The following RELN variants were observed in gnomAD, a reference collection of about 807,000 sequenced individuals.
RELN encodes the protein reelin.
Under a neutral mutation model 427.6 loss-of-function variants are expected in RELN, and 108 were observed. The observed-to-expected ratio is 0.25, with a 90% CI of 0.22 to 0.30. The LOEUF (loss-of-function observed/expected upper bound fraction) is 0.30, where lower values mean the gene tolerates loss of function less well. Among genes scored for constraint, RELN ranks in the 10% least tolerant of loss-of-function variants. The probability of loss-of-function intolerance (pLI) is 1.00; values close to 1 mark genes in which losing one functional copy is unlikely to be tolerated. For synonymous variants in RELN, 1,524 were observed against 1,513.4 expected (o/e 1.01, Z -0.16); for missense variants, 3,715 against 4,302.8 (o/e 0.86, Z 3.82).
At position 103,944,272 on chromosome 7, in the gene RELN, G is replaced by A. The variant is rs144811167; in HGVS notation, c.227-27087C>T. ...TTTTTTCTACATAGAAATACTAGGC[G>A]TGTGGAGGACAGTAGGTGAACAGTG... On this transcript the variant is annotated intron_variant, in intron 1 of 64. Transcript: ENST00000428762. Among the ~76,000 whole-genome samples the A allele has an allele frequency of 1.4e-3, 209 of 152,228 alleles. 3 individuals are homozygous for A. The East Asian group carries it at 0.032, about 23-fold the overall frequency.
chr7:103,974,955 T>C (rs1796840756), intron 1 of RELN, among the ~76,000 whole-genome samples: 1 of 152,242 alleles, frequency 6.6e-6, no homozygotes, highest in South Asian at 2.1e-4. Flanking sequence ...CTAATTGCTA[T>C]GAGAACTATT....
At chr7:103,764,161 TAGTAA>T (rs1791370734) in intron 4 of RELN, among the ~76,000 whole-genome samples, 1 of 152,184 alleles carries the variant, frequency 6.6e-6, no homozygotes, top group Admixed American at 6.5e-5. Context: ...ATGTAGTGTT[TAGTAA>T]TAGTAGTGAG....
intron 2 of RELN, among the ~76,000 whole-genome samples, chr7:103,893,885 C>A (rs923478661): frequency 9.2e-5 from 14 of 152,064 alleles, no homozygotes; most frequent in African/African-American, 3.4e-4. Context: ...TAAGTGATTC[C>A]CCATCATAAG....
intron 1 of RELN, among the ~76,000 whole-genome samples, chr7:103,960,109 A>T (rs1796517067): frequency 6.6e-6 from 1 of 152,108 alleles, no homozygotes; most frequent in Non-Finnish European, 1.5e-5. Flanking sequence ...TGAAAAGAAG[A>T]AATTAGATTA....
At chr7:103,630,813 G>T (rs923430448) in intron 19 of RELN, among the ~76,000 whole-genome samples, 1 of 147,216 alleles carries the variant, frequency 6.8e-6, no homozygotes, top group Non-Finnish European at 1.5e-5. Flanking sequence ...AAAGGTGCTT[G>T]CATTAAAGAC....
intron 8 of RELN, among the ~76,000 whole-genome samples, chr7:103,712,868 G>A (rs1383246533): frequency 6.6e-6 from 1 of 151,986 alleles, no homozygotes; most frequent in Non-Finnish European, 1.5e-5. Context: ...CAAGTCCTGG[G>A]TAGTTTTGGG....
At chr7:103,566,005 T>G (rs1830742583) in intron 33 of RELN, among the ~76,000 whole-genome samples, 1 of 152,106 alleles carries the variant, frequency 6.6e-6, no homozygotes, top group African/African-American at 2.4e-5. Flanking sequence ...GAAACCTTAC[T>G]CATATCATTC....
chr7:103,525,672 G>A (rs1265308497), intron 46 of RELN, among the ~76,000 whole-genome samples: 1 of 151,224 alleles, frequency 6.6e-6, no homozygotes, highest in Non-Finnish European at 1.5e-5. Context: ...ATTACTCGGA[G>A]CCAACATTTA....
chr7:103,667,692 G>T (rs1833300846), intron 11 of RELN, among the ~76,000 whole-genome samples: 1 of 152,184 alleles, frequency 6.6e-6, no homozygotes, highest in Non-Finnish European at 1.5e-5. Context: ...TGGAAGTCAT[G>T]AATATGCAAA....
rs111446437 is a variant in RELN at position 103,512,532 on chromosome 7, T to C, written c.8120-1527A>G. 3.1e-3 allele frequency among the ~76,000 whole-genome samples: 472 copies of C among 152,302 alleles called. 1 individual carries two copies. The highest frequency in any genetic ancestry group is 5.2e-3 in the Non-Finnish European group (355 of 68,016). ...TCAAGATACTACTGAAGAAATAGAT[T>C]TGAAGGTGTCTAAAGAAAACCTAAG... On this transcript the variant is annotated intron_variant, in intron 50 of 64. Coordinates refer to ENST00000428762, the MANE Select transcript of RELN (RefSeq NM_005045.4).
At chr7:103,713,773 T>C (rs1383082850) in intron 8 of RELN, among the ~76,000 whole-genome samples, 1 of 152,182 alleles carries the variant, frequency 6.6e-6, no homozygotes, top group African/African-American at 2.4e-5. Flanking sequence ...AAATCTTCTT[T>C]GCTACTTTGC....
intron 2 of RELN, among the ~76,000 whole-genome samples, chr7:103,894,665 A>G (rs1436626358): frequency 1.3e-5 from 2 of 152,140 alleles, no homozygotes; most frequent in African/African-American, 4.8e-5. Flanking sequence ...GATTTCGTGC[A>G]CTCAAGTCCT....
intron 15 of RELN, among the ~76,000 whole-genome samples, chr7:103,651,404 A>G (rs950665830): frequency 6.6e-6 from 1 of 152,114 alleles, no homozygotes; most frequent in African/African-American, 2.4e-5. Context: ...GAACTGCCAT[A>G]TAGAATTTAA....
intron 1 of RELN, among the ~76,000 whole-genome samples, chr7:103,977,658 C>CT (rs1318117954): frequency 1.3e-5 from 2 of 152,090 alleles, no homozygotes; most frequent in African/African-American, 4.8e-5. Flanking sequence ...CTACTGGTTC[C>CT]TACTACCACG....
intron 46 of RELN, among the ~76,000 whole-genome samples, chr7:103,530,896 C>T (rs1330037418): frequency 2.0e-5 from 3 of 152,150 alleles, no homozygotes; most frequent in Non-Finnish European, 2.9e-5. Flanking sequence ...TATTATTTTT[C>T]AGTGGTTTCT....
intron 8 of RELN, 78 bp from the exon 9 acceptor site, chr7:103,701,084 A>G (rs765152618): frequency 4.5e-5 from 39 of 869,370 alleles, no homozygotes; most frequent in Non-Finnish European, 7.3e-5. Context: ...TAAATATTTT[A>G]GATAATTTTT....
At chr7:103,982,320 G>A (rs868343848) in intron 1 of RELN, among the ~76,000 whole-genome samples, 4 of 152,126 alleles carry the variant, frequency 2.6e-5, no homozygotes, top group African/African-American at 9.7e-5. Context: ...TGGCTCCCTT[G>A]CAGCTCCATG....
Position 103,511,021 on chromosome 7 carries a change from CAA to C in RELN, c.8120-18_8120-17del. 1 of 1,606,248 alleles carries C rather than the reference CAA, an allele frequency of 6.2e-7. No individual in the cohort carries two copies. Among genetic ancestry groups the C allele is most frequent in the Non-Finnish European group, 8.5e-7 (1 of 1,173,486 alleles). On this transcript the variant is annotated splice_polypyrimidine_tract_variant and intron_variant, in intron 50 of 64. Coordinates refer to ENST00000428762, the MANE Select transcript of RELN (RefSeq NM_005045.4). ...TGCTCATTCACTTAAAACAAAAAAACAAAATTTTATGACAAATTTGTGACAAA... is the reference window on the plus strand; with the variant it reads ...TGCTCATTCACTTAAAACAAAAAAACAATTTTATGACAAATTTGTGACAAA...
At chr7:103,788,113 A>G (rs1792066075) in intron 3 of RELN, among the ~76,000 whole-genome samples, 3 of 152,346 alleles carry the variant, frequency 2.0e-5, no homozygotes, top group Admixed American at 2.0e-4. Flanking sequence ...ATAGATGCAG[A>G]AAAGGGCTTC....
Sources: gnomAD v4.1 joint callset for allele counts (sites outside exome capture counted in the v4.1 genomes callset) on GRCh38, gnomAD v4.1.1 for gene constraint, MANE v1.5 for transcripts, NCBI Gene and HGNC (gene_info 2026-07-23, HGNC 2026-07-21) for gene names.